DONSON: variants seen among roughly 807,000 people sequenced by gnomAD.
The protein encoded by DONSON is protein downstream neighbor of Son.
Under a neutral mutation model 62.1 loss-of-function variants are expected in DONSON, and 43 were observed. That is an observed-to-expected ratio of 0.69 (90% CI 0.54 to 0.89). The LOEUF (loss-of-function observed/expected upper bound fraction) is 0.89, where lower values mean the gene tolerates loss of function less well. Ranked by LOEUF, DONSON falls within the 40% of genes least tolerant of loss-of-function variation. DONSON has a pLI of 0.00. For missense variants in DONSON, 696 were observed against 697.5 expected (o/e 1.00, Z 0.03); for synonymous variants, 266 against 264.6 (o/e 1.01, Z -0.05).
chr21:33,583,132 C>T (rs2086533062), intron 5 of DONSON, among the ~76,000 whole-genome samples: 1 of 142,850 alleles, frequency 7.0e-6, no homozygotes, highest in Non-Finnish European at 1.5e-5. Context: ...ACCCAGGAGG[C>T]GGAGCTTGCA....
At chr21:33,580,820 T>C (rs995148128) in intron 8 of DONSON, among the ~76,000 whole-genome samples, 1 of 151,780 alleles carries the variant, frequency 6.6e-6, no homozygotes, top group Non-Finnish European at 1.5e-5. Flanking sequence ...AGTTGGAGGC[T>C]GCAGTGAGCC....
At chr21:33,579,963 G>A (rs1233360908) in intron 8 of DONSON, among the ~76,000 whole-genome samples, 1 of 151,390 alleles carries the variant, frequency 6.6e-6, no homozygotes, top group East Asian at 2.0e-4. Context: ...GGGAGGCCAA[G>A]GTGGGCAGAT....
chr21:33,585,125 GATACGGCA>G (rs1469080023), intron 3 of DONSON, among the ~76,000 whole-genome samples: 1 of 152,124 alleles, frequency 6.6e-6, no homozygotes, highest in Non-Finnish European at 1.5e-5. Context: ...AGTAAACACT[GATACGGCA>G]AATCACAAAT....
rs768592814 is a variant in DONSON, at chr21:33,583,476, C to T, written c.964+12G>A. ...ATAGTATAGTATTCTCACTTTAAAC[C>T]TAAACTTTTACCTTCATTTCTCATA... On this transcript the variant is annotated intron_variant, in intron 5 of 9. Transcript: ENST00000303071. The T allele has an allele frequency of 6.2e-7, 1 of 1,612,010 alleles. No homozygotes were observed. The highest frequency in any genetic ancestry group is 1.1e-5 in the South Asian group (1 of 90,940).
chr21:33,583,144 T>G (rs1601315060), intron 5 of DONSON, among the ~76,000 whole-genome samples: 1 of 138,854 alleles, frequency 7.2e-6, no homozygotes, highest in East Asian at 2.1e-4. Context: ...GAGCTTGCAG[T>G]GAGCCGAGAT....
Position 33,588,620 on chromosome 21 carries a change from A to G in DONSON, c.22T>C (p.Tyr8His). The G allele has an allele frequency of 1.6e-6, 2 of 1,244,420 alleles. No individual in the cohort carries two copies. The highest frequency in any genetic ancestry group is 2.0e-6 in the Non-Finnish European group (2 of 993,168). The allele number at this position is 1,244,420 out of a possible 1,614,324, so 77.1% of individuals were successfully genotyped here. Residue 8 changes from tyrosine to histidine, a missense_variant, in exon 1 of 10, where the codon TAC becomes CAC. Tyr to His is a moderately conservative substitution (Grantham distance 83). Transcript: ENST00000303071. Reference protein sequence around the residue: MALSVPGYSPGFRKPPEV... With the variant: MALSVPGHSPGFRKPPEV... Reference sequence around the variant, plus strand: ...GGCGGCTTTCGGAAGCCCGGTGAGTAGCCGGGCACCGAAAGGGCCATGACG... The same window carrying G: ...GGCGGCTTTCGGAAGCCCGGTGAGTGGCCGGGCACCGAAAGGGCCATGACG...
intron 8 of DONSON, among the ~76,000 whole-genome samples, chr21:33,580,144 G>A (rs764186862): frequency 2.2e-4 from 33 of 151,856 alleles, no homozygotes; most frequent in Non-Finnish European, 4.6e-4. Flanking sequence ...TTGAAGAATC[G>A]CTTGAGCCCG....
At chr21:33,583,343 G>A in intron 5 of DONSON, 145 bp downstream of exon 5, 3 of 695,924 alleles carry the variant, frequency 4.3e-6, no homozygotes, top group South Asian at 4.0e-5. Context: ...TGTGGGGGAG[G>A]GAAAAAAAGC....
Position 33,588,453 on chromosome 21 carries a change from G to A in DONSON, c.189C>T (p.Gly63=), listed in dbSNP as rs576930642. Residue 63 remains glycine, a synonymous_variant, in exon 1 of 10, where the codon GGC becomes GGT. Transcript: ENST00000303071. The stretch of plus-strand genomic sequence containing the variant: ...GGCCGCCGCCGCTGCCACCGCCTCT[G>A]CCCCCCGCAGCAGGGAAAGGGCGAA... ...LPLRPFPAAG[G]RGGGSGGGPA... is the part of the protein sequence containing the mutation. The A allele has an allele frequency of 8.0e-5, 105 of 1,305,362 alleles. No homozygotes were observed. The South Asian group carries it at 2.3e-3, about 28-fold the overall frequency. The allele number at this position is 1,305,362 out of a possible 1,614,324, so 80.9% of individuals were successfully genotyped here.
chr21:33,578,346 AT>A lies in DONSON; in HGVS notation c.1661del (p.Asn554MetfsTer4). 6.2e-7 allele frequency: 1 copy of A among 1,614,068 alleles called. No individual in the cohort carries two copies. The highest frequency in any genetic ancestry group is 8.5e-7 in the Non-Finnish European group (1 of 1,179,966). Reference protein sequence around the residue: ...IPLLGKSSLRNVVLRDYIYNW... With the variant: ...IPLLGKSSLRXVVLRDYIYNW... The stretch of plus-strand genomic sequence containing the variant: ...TATAAATGTAGTCTCTCAGCACCAC[AT>A]TCCGTAAAGATGATTTCCCAAGTAA... On this transcript the variant is annotated frameshift_variant, in exon 10 of 10. Coordinates refer to ENST00000303071, the MANE Select transcript of DONSON (RefSeq NM_017613.4). LOFTEE classifies it high-confidence loss of function.
chr21:33,580,963 A>G (rs1484108892), intron 8 of DONSON, among the ~76,000 whole-genome samples: 1 of 151,968 alleles, frequency 6.6e-6, no homozygotes, highest in Non-Finnish European at 1.5e-5. Context: ...AATCCCAGCT[A>G]CTCAAGAGGC....
At chr21:33,581,187 G>T (rs2086505971) in intron 8 of DONSON, 115 bp downstream of exon 8, 1 of 995,600 alleles carries the variant, frequency 1.0e-6, no homozygotes, top group Non-Finnish European at 1.4e-6. Flanking sequence ...TGGGAGGAAA[G>T]CAAAATGAAA....
intron 5 of DONSON, among the ~76,000 whole-genome samples, chr21:33,582,913 T>C (rs1206491863): frequency 6.6e-6 from 1 of 151,970 alleles, no homozygotes; most frequent in Non-Finnish European, 1.5e-5. Flanking sequence ...ATAAGAATGA[T>C]GATCTTGTCC....
chr21:33,577,604 T>TACACATACACACACAC lies in DONSON; in HGVS notation c.*702_*703insGTGTGTGTGTATGTGT, dbSNP rs1569072591. 11 of 84,364 alleles carry TACACATACACACACAC rather than the reference T, an allele frequency of 1.3e-4. No homozygotes were observed. Among genetic ancestry groups the TACACATACACACACAC allele is most frequent in the East Asian group, 4.4e-4 (1 of 2,260 alleles). 5.2% of individuals were successfully genotyped at this position (84,364 alleles called of 1,614,324 possible). The stretch of plus-strand genomic sequence containing the variant: ...AAATGTGAATTATACAGTCCCCCCC[T>TACACATACACACACAC]ACACACACACACACACACACACACA... On this transcript the variant is annotated 3_prime_UTR_variant, in exon 10 of 10. Transcript: ENST00000303071.
chr21:33,583,682 A>C lies in DONSON; in HGVS notation c.786-16T>G. On this transcript the variant is annotated splice_polypyrimidine_tract_variant and intron_variant, in intron 4 of 9. Transcript: ENST00000303071. ...GCTCACAGACCTATGAAGTAAAAAA[A>C]TTTTCTTAAGGTATTATTAAACATT... is the stretch of plus-strand genomic sequence containing the variant. 1 of 1,561,364 alleles carries C rather than the reference A, an allele frequency of 6.4e-7. No individual in the cohort carries two copies. Among genetic ancestry groups the C allele is most frequent in the Non-Finnish European group, 8.7e-7 (1 of 1,152,802 alleles).
rs532440581 is a variant in DONSON at position 33,579,711 on chromosome 21, T to C, written c.1351-149A>G. 101 of 619,844 alleles carry C rather than the reference T, an allele frequency of 1.6e-4. 1 individual carries two copies. The South Asian group carries it at 2.0e-3, about 12-fold the overall frequency. The allele number at this position is 619,844 out of a possible 1,614,324, so 38.4% of individuals were successfully genotyped here. ...ATTTCCCAAGACATCTAAACAATGT[T>C]ATGTGAGTACAAATACTTAGTAAAT... is the stretch of plus-strand genomic sequence containing the variant. On this transcript the variant is annotated intron_variant, in intron 8 of 9. Transcript: ENST00000303071.
intron 4 of DONSON, among the ~76,000 whole-genome samples, chr21:33,583,986 G>A (rs1466714699): frequency 1.4e-5 from 2 of 140,518 alleles, no homozygotes; most frequent in African/African-American, 5.2e-5. Context: ...CTGACAAGAA[G>A]TAGCATTAAA....
chr21:33,579,474 G>C lies in DONSON; in HGVS notation c.1439C>G (p.Ser480Cys). Reference protein sequence around the residue: ...LEITGPIMPHSLHSLTMLLKS... With the variant: ...LEITGPIMPHCLHSLTMLLKS... ...GAGCAGCATGGTCAGTGAATGCAGA[G>C]AATGAGGCATGATAGGACCTGTAAT... Residue 480 changes from serine to cysteine, a missense_variant, in exon 9 of 10, where the codon TCT (serine) becomes TGT (cysteine). By Grantham distance (112) the Ser-to-Cys change is moderately radical. Transcript: ENST00000303071. 6.2e-7 allele frequency: 1 copy of C among 1,614,246 alleles called. No homozygotes were observed. Among genetic ancestry groups the C allele is most frequent in the Non-Finnish European group, 8.5e-7 (1 of 1,180,038 alleles).
At chr21:33,586,857 C>T (rs1338494317) in intron 2 of DONSON, among the ~76,000 whole-genome samples, 2 of 152,050 alleles carry the variant, frequency 1.3e-5, no homozygotes, top group Admixed American at 1.3e-4. Flanking sequence ...AGGCTGTTCG[C>T]GAACTCCTGA....
Sources: allele counts gnomAD v4.1 joint callset (sites outside exome capture counted in the v4.1 genomes callset), GRCh38; gene constraint gnomAD v4.1.1; transcripts MANE v1.5; gene names NCBI Gene and HGNC (gene_info 2026-07-23, HGNC 2026-07-21).